Variants in CAPN1 observed in about 807,000 individuals in gnomAD.
The protein encoded by CAPN1 is calpain-1 catalytic subunit.
Under a neutral mutation model 105.2 loss-of-function variants are expected in CAPN1, and 77 were observed. The ratio of observed to expected loss-of-function variants is 0.73; its 90% confidence interval spans 0.61 to 0.88. The LOEUF (loss-of-function observed/expected upper bound fraction) is 0.88. Ranked by LOEUF, CAPN1 falls within the 40% of genes least tolerant of loss-of-function variation. The pLI is 0.00. For missense variants in CAPN1, 833 were observed against 976.6 expected (o/e 0.85, Z 1.96); for synonymous variants, 355 against 388.8 (o/e 0.91, Z 1.02).
chr11:65,210,076 G>T lies in CAPN1; in HGVS notation c.1922G>T (p.Arg641Leu). The change falls in exon 19 of 22, where the codon CGG becomes CTG. Residue 641 changes from arginine to leucine, a missense_variant. Transcript: ENST00000279247. The surrounding 1 kb of genome is among the most constrained non-coding windows in gnomAD (Gnocchi z 4.3). ...GGCAGCATGAGTGCCTACGAGATGCGGATGGCCATTGAGTCGGCAGGTGAG... is the reference window on the plus strand; with the variant it reads ...GGCAGCATGAGTGCCTACGAGATGCTGATGGCCATTGAGTCGGCAGGTGAG... ...KSGSMSAYEM[R>L]MAIESAGFKL... 1.2e-6 allele frequency: 2 copies of T among 1,612,630 alleles called. No individual in the cohort carries two copies. The highest frequency in any genetic ancestry group is 1.7e-6 in the Non-Finnish European group (2 of 1,179,708).
Position 65,204,566 on chromosome 11 carries a change from C to T in CAPN1, c.1166-117C>T, listed in dbSNP as rs1176610085. 7.6e-6 allele frequency: 7 copies of T among 924,602 alleles called. No homozygotes were observed. In the Admixed American group the frequency reaches 1.1e-4, roughly 15 times the overall value. 57.3% of individuals were successfully genotyped at this position (924,602 alleles called of 1,614,324 possible). The stretch of plus-strand genomic sequence containing the variant: ...CCCATCACCCTGCATGTTCCAGGTG[C>T]TCAATAATATTTGTTGAATGAATGA... On this transcript the variant is annotated intron_variant, in intron 10 of 21. Coordinates refer to ENST00000279247, the MANE Select transcript of CAPN1 (RefSeq NM_005186.4).
At chr11:65,205,590 C>A in intron 11 of CAPN1, 120 bp from the exon 12 acceptor site, 1 of 969,692 alleles carries the variant, frequency 1.0e-6, no homozygotes, top group Non-Finnish European at 1.6e-6. Flanking sequence ...CAGGGCCCTG[C>A]CTTCTGCCTC....
intron 10 of CAPN1, among the ~76,000 whole-genome samples, chr11:65,204,150 G>T (rs1476724233): frequency 1.3e-5 from 2 of 152,138 alleles, no homozygotes; most frequent in African/African-American, 4.8e-5. Context: ...GAGTCCTAAT[G>T]CAGTCACATG....
chr11:65,186,453 T>G, intron 6 of CAPN1, 115 bp downstream of exon 6: 1 of 939,216 alleles, frequency 1.1e-6, no homozygotes, highest in South Asian at 1.7e-5. Flanking sequence ...GCACTTAAGC[T>G]TCATCTCTGG....
chr11:65,202,736 C>A (rs930152638), intron 10 of CAPN1, among the ~76,000 whole-genome samples: 1 of 152,070 alleles, frequency 6.6e-6, no homozygotes, highest in African/African-American at 2.4e-5. Context: ...AGCCACTGCA[C>A]CTGGCCATAT....
Position 65,188,763 on chromosome 11 carries a change from T to C in CAPN1, c.1165+17T>C. On this transcript the variant is annotated intron_variant, in intron 10 of 21. Coordinates refer to ENST00000279247, the MANE Select transcript of CAPN1 (RefSeq NM_005186.4). This position sits in a 1 kb window ranked among gnomAD's most constrained non-coding sequence, Gnocchi z 5.5. ...ACTACCCAGGTGCACAGGGGCGGGCTCTGGGTCTTGCTGCTTCCTGGCTTA... is the reference window on the plus strand; with the variant it reads ...ACTACCCAGGTGCACAGGGGCGGGCCCTGGGTCTTGCTGCTTCCTGGCTTA... 6.5e-7 allele frequency: 1 copy of C among 1,549,438 alleles called. No homozygotes were observed. The highest frequency in any genetic ancestry group is 8.7e-7 in the Non-Finnish European group (1 of 1,145,902).
rs931506177 is a variant in CAPN1 at position 65,193,514 on chromosome 11, A to G, written c.1165+4768A>G. Among the ~76,000 whole-genome samples, 20 of 151,324 alleles carry G rather than the reference A, an allele frequency of 1.3e-4. No individual in the cohort carries two copies. In the East Asian group the frequency reaches 4.0e-3, roughly 30 times the overall value. On this transcript the variant is annotated intron_variant, in intron 10 of 21. Coordinates refer to ENST00000279247, the MANE Select transcript of CAPN1 (RefSeq NM_005186.4). ...CAAAAAATTAGCCGGGCGTAGTGGC[A>G]GGTGCCTGTGGTCCCAGCTGCTTGG...
intron 10 of CAPN1, among the ~76,000 whole-genome samples, chr11:65,194,618 A>G: frequency 6.6e-6 from 1 of 151,758 alleles, no homozygotes; most frequent in Non-Finnish European, 1.5e-5. Flanking sequence ...CCATGAATCT[A>G]CTTTTTGTCT....
At chr11:65,184,305 G>A (rs536279933) in intron 4 of CAPN1, among the ~76,000 whole-genome samples, 11 of 152,116 alleles carry the variant, frequency 7.2e-5, no homozygotes, top group Non-Finnish European at 1.5e-4. Context: ...GGAACCCACA[G>A]TGCGGATCCA....
chr11:65,192,337 T>C (rs1488813480), intron 10 of CAPN1, among the ~76,000 whole-genome samples: 1 of 152,256 alleles, frequency 6.6e-6, no homozygotes, highest in Non-Finnish European at 1.5e-5. Flanking sequence ...GTTTGCCTGT[T>C]ATTTTCCTTT....
Position 65,210,774 on chromosome 11 carries a change from T to A in CAPN1, c.2060-40T>A. 6.4e-7 allele frequency: 1 copy of A among 1,552,374 alleles called. No homozygotes were observed. Among genetic ancestry groups the A allele is most frequent in the Non-Finnish European group, 8.9e-7 (1 of 1,124,192 alleles). On this transcript the variant is annotated intron_variant, in intron 20 of 21. Transcript: ENST00000279247. This position sits in a 1 kb window ranked among gnomAD's most constrained non-coding sequence, Gnocchi z 4.3. ...GCCTGGCCCTGCGTGAATATCCCAC[T>A]GAGTTTTCAGCCCTGTATCACCTTT...
At chr11:65,181,736 T>C, upstream of CAPN1, 2 of 246,930 alleles carry the variant, frequency 8.1e-6, no homozygotes, top group South Asian at 6.1e-5. The surrounding 1 kb of genome is among the most constrained non-coding windows in gnomAD (Gnocchi z 4.6). Context: ...ATTTGTCCTC[T>C]CGCGGAATTG....
In CAPN1 at chr11:65,206,830, C is replaced by G; in HGVS notation, c.1605+11C>G. 1 of 1,609,642 alleles carries G rather than the reference C, an allele frequency of 6.2e-7. No homozygotes were observed. Among genetic ancestry groups the G allele is most frequent in the South Asian group, 1.1e-5 (1 of 90,192 alleles). On this transcript the variant is annotated intron_variant, in intron 14 of 21. Transcript: ENST00000279247. ...AATCTCCCCGATGAGGTGCGTGGTCCCACCCCACCAGGCCCCGTCCTCCTC... is the reference window on the plus strand; with the variant it reads ...AATCTCCCCGATGAGGTGCGTGGTCGCACCCCACCAGGCCCCGTCCTCCTC...
chr11:65,187,234 TG>T lies in CAPN1; in HGVS notation c.781del (p.Glu261ArgfsTer9), dbSNP rs1565393728. 1 of 1,613,182 alleles carries T rather than the reference TG, an allele frequency of 6.2e-7. No individual in the cohort carries two copies. Among genetic ancestry groups the T allele is most frequent in the East Asian group, 2.2e-5 (1 of 44,872 alleles). The stretch of plus-strand genomic sequence containing the variant: ...CTGCAGATCTCCAGCGTTCTAGACA[TG>T]GAGGCCATCACTTTCAAGAAGTTGG... Reference protein sequence around the residue: ...CSIDISSVLDMEAITFKKLVK... With the variant: ...CSIDISSVLDXEAITFKKLVK... On this transcript the variant is annotated frameshift_variant, in exon 7 of 22. Coordinates refer to ENST00000279247, the MANE Select transcript of CAPN1 (RefSeq NM_005186.4). LOFTEE classifies it high-confidence loss of function.
At chr11:65,203,840 C>A (rs1027308310) in intron 10 of CAPN1, among the ~76,000 whole-genome samples, 2 of 152,036 alleles carry the variant, frequency 1.3e-5, no homozygotes, top group African/African-American at 4.8e-5. Context: ...AGGTTCCCAT[C>A]CCTCCACATC....
At chr11:65,205,241 C>G (rs1228948233) in intron 11 of CAPN1, among the ~76,000 whole-genome samples, 1 of 152,184 alleles carries the variant, frequency 6.6e-6, no homozygotes, top group Non-Finnish European at 1.5e-5. Context: ...GAGGGCCTGT[C>G]GGCCAAGGTG....
chr11:65,200,286 C>G (rs1948848840), intron 10 of CAPN1, among the ~76,000 whole-genome samples: 1 of 152,066 alleles, frequency 6.6e-6, no homozygotes, highest in Non-Finnish European at 1.5e-5. Context: ...TGCGATCTGT[C>G]TGCTTCAGCC....
At position 65,187,209 on chromosome 11, in the gene CAPN1, C is replaced by T. The variant is rs761602640; in HGVS notation, c.760-6C>T. The T allele has an allele frequency of 6.2e-7, 1 of 1,609,992 alleles. No individual in the cohort carries two copies. The highest frequency in any genetic ancestry group is 1.1e-5 in the South Asian group (1 of 90,266). The stretch of plus-strand genomic sequence containing the variant: ...CACTGACCACAGTGTGTGCCTCTTT[C>T]TGCAGATCTCCAGCGTTCTAGACAT... On this transcript the variant is annotated splice_region_variant and splice_polypyrimidine_tract_variant and intron_variant, in intron 6 of 21. Transcript: ENST00000279247.
At chr11:65,194,295 T>G (rs921401792) in intron 10 of CAPN1, among the ~76,000 whole-genome samples, 7 of 152,238 alleles carry the variant, frequency 4.6e-5, no homozygotes, top group Non-Finnish European at 8.8e-5. Flanking sequence ...CTTTATTTTA[T>G]GACTTCTTAA....
Sources: allele counts gnomAD v4.1 joint callset (sites outside exome capture counted in the v4.1 genomes callset), GRCh38; gene constraint gnomAD v4.1.1; non-coding constraint Gnocchi (gnomAD v3.1); transcripts MANE v1.5; gene names NCBI Gene and HGNC (gene_info 2026-07-23, HGNC 2026-07-21).